The following PARP4 variants were observed in gnomAD, a reference collection of about 807,000 sequenced individuals.
The protein encoded by PARP4 is poly(ADP-ribose) polymerase family member 4.
A neutral mutation model predicts 187.7 loss-of-function variants in PARP4; 120 were observed. The ratio of observed to expected loss-of-function variants is 0.64; its 90% CI spans 0.55 to 0.74. The LOEUF (loss-of-function observed/expected upper bound fraction) is 0.74. Ranked by LOEUF, PARP4 falls within the 30% of genes least tolerant of loss-of-function variation. PARP4 has a pLI of 0.00. For synonymous variants in PARP4, 654 were observed against 740.9 expected, an observed-to-expected ratio of 0.88 and a Z score of 1.90; for missense variants, 1,836 against 2,070.5, an observed-to-expected ratio of 0.89 and a Z score of 2.20.
chr13:24,479,696 C>T (rs1413013557), intron 12 of PARP4, among the ~76,000 whole-genome samples: 1 of 151,980 alleles, frequency 6.6e-6, no homozygotes, highest in Non-Finnish European at 1.5e-5. Context: ...AACAGACCAC[C>T]CTACTCTACC....
intron 17 of PARP4, among the ~76,000 whole-genome samples, chr13:24,467,299 C>T (rs369401892): frequency 5.9e-5 from 9 of 152,274 alleles, no homozygotes; most frequent in Non-Finnish European, 7.3e-5. Flanking sequence ...TTGGGGATTA[C>T]GAGCTAGACC....
intron 10 of PARP4, among the ~76,000 whole-genome samples, chr13:24,489,128 T>C (rs1204275718): frequency 5.3e-5 from 8 of 152,210 alleles, no homozygotes; most frequent in Admixed American, 2.6e-4. Context: ...CAAGTACCTA[T>C]TTGAGTACTT....
chr13:24,500,056 TA>T (rs370389346), intron 4 of PARP4, among the ~76,000 whole-genome samples: 14,623 of 148,442 alleles, frequency 0.099, 787 homozygotes, highest in Non-Finnish European at 0.12. Flanking sequence ...TTAAAAGAAT[TA>T]AAAAAAAAAC....
chr13:24,500,525 GAA>G, intron 3 of PARP4, 143 bp from the exon 4 acceptor site: 1 of 420,510 alleles, frequency 2.4e-6, no homozygotes, highest in Non-Finnish European at 4.3e-6. Context: ...AACCCAGTGG[GAA>G]AAGAGGAAGG....
chr13:24,506,767 C>T (rs982407548), intron 1 of PARP4, among the ~76,000 whole-genome samples: 1 of 152,244 alleles, frequency 6.6e-6, no homozygotes, highest in Non-Finnish European at 1.5e-5. Context: ...CCCAGTGGAT[C>T]CCATGCCAGG....
rs189860934 is a variant in PARP4, at chr13:24,461,567, T to C, written c.2134-1431A>G. Among the ~76,000 whole-genome samples, 12 of 152,264 alleles carry C rather than the reference T, an allele frequency of 7.9e-5. No individual in the cohort carries two copies. In the East Asian group the frequency reaches 2.3e-3, roughly 29 times the overall value. Reference sequence around the variant, plus strand: ...GGTAAGCTTACTGGTTTAGAAGAATTGGGAGCTCCTGACCCAAGGGGAGTT... The same window carrying C: ...GGTAAGCTTACTGGTTTAGAAGAATCGGGAGCTCCTGACCCAAGGGGAGTT... On this transcript the variant is annotated intron_variant, in intron 17 of 33. Coordinates refer to ENST00000381989, the MANE Select transcript of PARP4 (RefSeq NM_006437.4).
At chr13:24,448,156 G>A (rs1041381105) in intron 25 of PARP4, among the ~76,000 whole-genome samples, 2 of 152,150 alleles carry the variant, frequency 1.3e-5, no homozygotes, top group Non-Finnish European at 2.9e-5. Context: ...GCTGCAGTGA[G>A]CCAAGCTTGC....
intron 1 of PARP4, among the ~76,000 whole-genome samples, chr13:24,506,746 A>C (rs2137553473): frequency 6.6e-6 from 1 of 152,354 alleles, no homozygotes; most frequent in South Asian, 2.1e-4. Context: ...TCAGGAGCCC[A>C]GCTGGCTTCA....
rs5802279 is a variant in PARP4 at position 24,426,891 on chromosome 13, CAAAAAAAAAAAAA to C, written c.4847-306_4847-294del. On this transcript the variant is annotated intron_variant, in intron 32 of 33. Transcript: ENST00000381989. ...TGGGCGACAGAGTGAGACTCTGTCT[CAAAAAAAAAAAAA>C]AAAAAAAAAAAAAGAATTATAATAC... Among the ~76,000 whole-genome samples, 5 of 93,572 alleles carry C rather than the reference CAAAAAAAAAAAAA, an allele frequency of 5.3e-5. No homozygotes were observed. The South Asian group carries it at 1.4e-3, about 26-fold the overall frequency. The allele number at this position is 93,572 out of a possible 152,430, so 61.4% of individuals were successfully genotyped here. A position where few individuals can be genotyped will look rare whatever the true frequency, so the allele number is the denominator to read the frequency against.
chr13:24,454,897 T>A, intron 22 of PARP4, 120 bp downstream of exon 22: 1 of 728,848 alleles, frequency 1.4e-6, no homozygotes, highest in Non-Finnish European at 2.1e-6. Context: ...GTTCTTCAAT[T>A]TCATACTAGG....
intron 7 of PARP4, 65 bp from the exon 8 acceptor site, chr13:24,493,798 T>C: frequency 4.0e-6 from 6 of 1,492,760 alleles, no homozygotes; most frequent in Non-Finnish European, 5.6e-6. Context: ...AAAACTTACA[T>C]GGGCCAACGA....
At chr13:24,490,469 A>C (rs1233337123) in intron 10 of PARP4, among the ~76,000 whole-genome samples, 199 bp downstream of exon 10, 1 of 152,204 alleles carries the variant, frequency 6.6e-6, no homozygotes, top group African/African-American at 2.4e-5. Context: ...ATCGGAGTGG[A>C]ATATAGAGGG....
chr13:24,426,411 T>C, intron 33 of PARP4, 55 bp downstream of exon 33: 2 of 1,343,244 alleles, frequency 1.5e-6, no homozygotes, highest in Non-Finnish European at 2.1e-6. Context: ...CTAAGGTTTA[T>C]TAAATAAATA....
chr13:24,480,207 G>T (rs1351734130), intron 12 of PARP4, among the ~76,000 whole-genome samples: 1 of 152,210 alleles, frequency 6.6e-6, no homozygotes, highest in Non-Finnish European at 1.5e-5. Flanking sequence ...ATTGTTTTGG[G>T]CTGCAACAAT....
At position 24,453,147 on chromosome 13, in the gene PARP4, G is replaced by A. The variant is rs184185006; in HGVS notation, c.2826+440C>T. Among the ~76,000 whole-genome samples the A allele has an allele frequency of 1.9e-4, 29 of 152,206 alleles. No individual in the cohort carries two copies. In the East Asian group the frequency reaches 3.7e-3, roughly 19 times the overall value. On this transcript the variant is annotated intron_variant, in intron 23 of 33. Transcript: ENST00000381989. ...GATGGGGTTTCACCATGTTGGCCAG[G>A]TTGGTCTCGAATTCCTGACCTCAGG...
At chr13:24,484,000 T>C (rs1873419884) in intron 12 of PARP4, among the ~76,000 whole-genome samples, 2 of 152,340 alleles carry the variant, frequency 1.3e-5, no homozygotes, top group South Asian at 4.1e-4. Flanking sequence ...GTTTATCTTT[T>C]CCTTATTGAT....
intron 24 of PARP4, 72 bp from the exon 25 acceptor site, chr13:24,449,889 AG>A: frequency 1.1e-6 from 1 of 920,980 alleles, no homozygotes; most frequent in Non-Finnish European, 1.8e-6. Flanking sequence ...AACAGTGTTG[AG>A]AAAGCTCACA....
At chr13:24,485,300 T>C (rs1873493659) in intron 11 of PARP4, among the ~76,000 whole-genome samples, 1 of 152,198 alleles carries the variant, frequency 6.6e-6, no homozygotes, top group Admixed American at 6.5e-5. Flanking sequence ...TTGTGCTTCT[T>C]TTCCAGAATT....
At chr13:24,511,081 C>A (rs1302287088) in intron 1 of PARP4, among the ~76,000 whole-genome samples, 1 of 152,192 alleles carries the variant, frequency 6.6e-6, no homozygotes, top group Non-Finnish European at 1.5e-5. Context: ...AGCTGCCACG[C>A]CCGGCCCAGA....
Sources: gnomAD v4.1 joint callset for allele counts (sites outside exome capture counted in the v4.1 genomes callset) on GRCh38, gnomAD v4.1.1 for gene constraint, MANE v1.5 for transcripts, NCBI Gene and HGNC (gene_info 2026-07-23, HGNC 2026-07-21) for gene names.